The following SLCO3A1 variants were observed in gnomAD, a reference collection of about 807,000 sequenced individuals.
SLCO3A1 encodes PGE1 transporter.
In SLCO3A1, 27 loss-of-function variants were observed where a neutral mutation model predicts 63.1. The ratio of observed to expected loss-of-function variants is 0.43; its 90% confidence interval spans 0.32 to 0.59. SLCO3A1 has a LOEUF of 0.59. SLCO3A1 is among the 20% of genes least tolerant of loss of function. The pLI is 0.09. For synonymous variants in SLCO3A1, 473 were observed against 409.9 expected, an observed-to-expected ratio of 1.15 and a Z score of -1.86; for missense variants, 773 against 945.8, an observed-to-expected ratio of 0.82 and a Z score of 2.40.
intron 4 of SLCO3A1, 108 bp downstream of exon 4, chr15:92,104,650 G>A (rs1596105401): frequency 1.7e-6 from 2 of 1,171,584 alleles, no homozygotes. Flanking sequence ...ACTTGGTGGA[G>A]GCAGAATAAT....
intron 2 of SLCO3A1, among the ~76,000 whole-genome samples, chr15:91,984,075 C>T (rs1293699260): frequency 6.6e-6 from 1 of 152,150 alleles, no homozygotes; most frequent in African/African-American, 2.4e-5. Context: ...TTTATCCAGA[C>T]CAGGGGGCCA....
At chr15:92,026,520 C>A (rs2151476047) in intron 2 of SLCO3A1, among the ~76,000 whole-genome samples, 1 of 152,230 alleles carries the variant, frequency 6.6e-6, no homozygotes. Context: ...GTTTACAAAG[C>A]AGCTAGAGTC....
chr15:91,943,799 C>T (rs1161314121), intron 2 of SLCO3A1, among the ~76,000 whole-genome samples: 4 of 152,164 alleles, frequency 2.6e-5, no homozygotes, highest in Non-Finnish European at 5.9e-5. Flanking sequence ...TGTGCTAGGT[C>T]ATGATTTGGG....
chr15:91,855,633 A>T (rs1452314348), intron 1 of SLCO3A1, among the ~76,000 whole-genome samples: 3 of 152,176 alleles, frequency 2.0e-5, no homozygotes, highest in Admixed American at 6.5e-5. Flanking sequence ...TTTGAGGGAT[A>T]GGGGATAATT....
intron 2 of SLCO3A1, among the ~76,000 whole-genome samples, chr15:91,964,546 G>A (rs1343530995): frequency 6.6e-6 from 1 of 151,812 alleles, no homozygotes; most frequent in Non-Finnish European, 1.5e-5. Flanking sequence ...CCTATTCAAG[G>A]TTGCTATGCT....
intron 3 of SLCO3A1, among the ~76,000 whole-genome samples, chr15:92,098,580 G>T (rs2047567682): frequency 6.6e-6 from 1 of 152,190 alleles, no homozygotes; most frequent in Non-Finnish European, 1.5e-5. Flanking sequence ...AACTATGTGG[G>T]TTTATTACAA....
intron 2 of SLCO3A1, among the ~76,000 whole-genome samples, chr15:92,044,589 C>T (rs985128314): frequency 6.6e-6 from 1 of 152,128 alleles, no homozygotes; most frequent in Non-Finnish European, 1.5e-5. Flanking sequence ...GATCCCATCA[C>T]GGTCAGGGCC....
chr15:92,058,484 G>A (rs960088064), intron 2 of SLCO3A1, among the ~76,000 whole-genome samples: 1 of 151,980 alleles, frequency 6.6e-6, no homozygotes, highest in East Asian at 1.9e-4. Context: ...TAGGATGTTG[G>A]GTGTCCCGCA....
chr15:91,967,720 C>G lies in SLCO3A1; in HGVS notation c.646+51262C>G, dbSNP rs1278390156. 1.3e-5 allele frequency among the ~76,000 whole-genome samples: 2 copies of G among 152,304 alleles called. No homozygotes were observed. The highest frequency in any genetic ancestry group is 3.9e-4 in the East Asian group (2 of 5,184). On this transcript the variant is annotated intron_variant, in intron 2 of 9. Transcript: ENST00000318445. This position sits in a 1 kb window ranked among gnomAD's most constrained non-coding sequence, Gnocchi z 4.4. ...TGTTTTCCTGGATCATATTGTCTCT[C>G]AAATATCAATAGCACAGTTTTTGGC...
intron 2 of SLCO3A1, among the ~76,000 whole-genome samples, chr15:92,028,518 A>G (rs2046604427): frequency 1.3e-5 from 2 of 152,206 alleles, no homozygotes; most frequent in Admixed American, 6.5e-5. Context: ...TTAATGAAAT[A>G]CAGAGAGAAA....
At chr15:91,877,972 C>T (rs1368477874) in intron 1 of SLCO3A1, among the ~76,000 whole-genome samples, 1 of 151,968 alleles carries the variant, frequency 6.6e-6, no homozygotes, top group Non-Finnish European at 1.5e-5. Context: ...TCAGGGCTTT[C>T]CTTAGGTGAG....
At chr15:91,998,368 C>T (rs547786266) in intron 2 of SLCO3A1, among the ~76,000 whole-genome samples, 1 of 152,156 alleles carries the variant, frequency 6.6e-6, no homozygotes, top group Admixed American at 6.6e-5. Flanking sequence ...GCACGAGAAT[C>T]ACTTGACCCT....
chr15:92,076,403 C>T (rs2047277405), intron 2 of SLCO3A1, among the ~76,000 whole-genome samples: 1 of 152,172 alleles, frequency 6.6e-6, no homozygotes, highest in Admixed American at 6.5e-5. Flanking sequence ...ATGTTCAGTA[C>T]TTTCCCCGGA....
At chr15:91,976,426 C>G (rs1299840562) in intron 2 of SLCO3A1, among the ~76,000 whole-genome samples, 1 of 152,036 alleles carries the variant, frequency 6.6e-6, no homozygotes, top group Non-Finnish European at 1.5e-5. Flanking sequence ...GCGTATTTTA[C>G]TTTAGACCAG....
At chr15:92,167,616 A>G (rs1464602929), downstream of SLCO3A1, among the ~76,000 whole-genome samples, 1 of 152,214 alleles carries the variant, frequency 6.6e-6, no homozygotes, top group Non-Finnish European at 1.5e-5. Context: ...GTGTACTGTC[A>G]TTGCTCAAGA....
At chr15:91,986,716 G>T (rs1382048065) in intron 2 of SLCO3A1, among the ~76,000 whole-genome samples, 2 of 152,124 alleles carry the variant, frequency 1.3e-5, no homozygotes, top group Admixed American at 1.3e-4. Context: ...CATGGCCTTT[G>T]GTGCGAAATG....
chr15:91,899,938 G>C (rs1898109849), intron 1 of SLCO3A1, among the ~76,000 whole-genome samples: 2 of 152,156 alleles, frequency 1.3e-5, no homozygotes, highest in South Asian at 4.1e-4. Flanking sequence ...ATTAATAATA[G>C]TTTGTTCCAT....
In SLCO3A1 at chr15:92,094,864, T is replaced by C; in HGVS notation, c.647-17T>C. 1.3e-6 allele frequency: 2 copies of C among 1,568,022 alleles called. No individual in the cohort carries two copies. Among genetic ancestry groups the C allele is most frequent in the Non-Finnish European group, 1.8e-6 (2 of 1,138,790 alleles). On this transcript the variant is annotated splice_polypyrimidine_tract_variant and intron_variant, in intron 2 of 9. Transcript: ENST00000318445. ...GCTTCTGTTTTGTAATCTATTTTTT[T>C]CTTCATCTTCCTTCAGGAATCCTGT...
intron 2 of SLCO3A1, among the ~76,000 whole-genome samples, chr15:91,955,943 A>G (rs1900156655): frequency 6.6e-6 from 1 of 152,170 alleles, no homozygotes; most frequent in Non-Finnish European, 1.5e-5. Context: ...GAATATGCCA[A>G]CAGAAGGTAT....
Sources: allele counts gnomAD v4.1 joint callset (sites outside exome capture counted in the v4.1 genomes callset), GRCh38; gene constraint gnomAD v4.1.1; non-coding constraint Gnocchi (gnomAD v3.1); transcripts MANE v1.5; gene names NCBI Gene and HGNC (gene_info 2026-07-23, HGNC 2026-07-21).